Variants in UNC79 observed in about 807,000 individuals in gnomAD.
UNC79 encodes the protein protein unc-79 homolog.
Under a neutral mutation model 283.1 loss-of-function variants are expected in UNC79, and 37 were observed. That is an observed-to-expected ratio of 0.13 (90% CI 0.10 to 0.17). The LOEUF (loss-of-function observed/expected upper bound fraction) is 0.17. UNC79 is among the 10% of genes least tolerant of loss of function. The probability of loss-of-function intolerance (pLI) is 1.00; values close to 1 mark genes in which losing one functional copy is unlikely to be tolerated. For missense variants in UNC79, 2,272 were observed against 3,211.1 expected, an observed-to-expected ratio of 0.71 and a Z score of 7.07; for synonymous variants, 1,107 against 1,200.2, an observed-to-expected ratio of 0.92 and a Z score of 1.61.
At chr14:93,381,035 TAGAGG>T (rs755617272) in intron 1 of UNC79, among the ~76,000 whole-genome samples, 64 of 152,332 alleles carry the variant, frequency 4.2e-4, no homozygotes, top group Non-Finnish European at 6.8e-4. Context: ...TTATTCTTAG[TAGAGG>T]AAATACATTA....
intron 46 of UNC79, among the ~76,000 whole-genome samples, 166 bp downstream of exon 49, chr14:93,692,112 G>A (rs1367841262): frequency 1.3e-5 from 2 of 152,088 alleles, no homozygotes; most frequent in South Asian, 2.1e-4. Flanking sequence ...TAAGCATTTT[G>A]ATTAAAAATA....
chr14:93,646,577 T>C, intron 34 of UNC79, 31 bp from the exon 38 acceptor site: 1 of 1,609,026 alleles, frequency 6.2e-7, no homozygotes, highest in South Asian at 1.1e-5. Flanking sequence ...ACCTAAGATA[T>C]TTGTGTGACT....
intron 8 of UNC79, 55 bp from the exon 9 acceptor site, chr14:93,528,503 G>A: frequency 6.6e-7 from 1 of 1,510,250 alleles, no homozygotes. Flanking sequence ...TTAGAATATA[G>A]GGAATGTGAT....
chr14:93,530,475 G>A (rs1031340471), intron 10 of UNC79, among the ~76,000 whole-genome samples: 2 of 152,096 alleles, frequency 1.3e-5, no homozygotes, highest in Non-Finnish European at 2.9e-5. Flanking sequence ...AGCCAGGCAT[G>A]GTGGCACGTG....
chr14:93,534,716 G>T (rs563367961), intron 11 of UNC79, among the ~76,000 whole-genome samples: 1 of 152,234 alleles, frequency 6.6e-6, no homozygotes, highest in East Asian at 1.9e-4. Context: ...GTGGGACCAG[G>T]ATTTCAAACA....
At chr14:93,466,871 A>G (rs959709574) in intron 1 of UNC79, 1 of 985,330 alleles carries the variant, frequency 1.0e-6, no homozygotes, top group African/African-American at 1.7e-5. Context: ...AGGTCAGGTC[A>G]GGAATGTGGA....
chr14:93,664,635 A>G (rs2071969299), intron 40 of UNC79, among the ~76,000 whole-genome samples: 1 of 152,208 alleles, frequency 6.6e-6, no homozygotes, highest in South Asian at 2.1e-4. Flanking sequence ...AAAGAATGGT[A>G]TCTGTCTCAG....
At chr14:93,530,438 A>G (rs1209867241) in intron 10 of UNC79, among the ~76,000 whole-genome samples, 1 of 151,616 alleles carries the variant, frequency 6.6e-6, no homozygotes, top group Admixed American at 6.6e-5. Context: ...CAAAAAATTT[A>G]GGAGGGCAGG....
intron 1 of UNC79, chr14:93,397,176 C>T (rs1440426383): frequency 1.3e-5 from 2 of 152,086 alleles, no homozygotes; most frequent in East Asian, 1.9e-4. Flanking sequence ...TGGTTATATA[C>T]CAACTTTAGT....
At chr14:93,511,946 A>G (rs1166772117) in intron 7 of UNC79, among the ~76,000 whole-genome samples, 1 of 151,934 alleles carries the variant, frequency 6.6e-6, no homozygotes, top group Non-Finnish European at 1.5e-5. Flanking sequence ...TATTTCCAAC[A>G]TTAATTTTTT....
chr14:93,423,865 G>C (rs773849741), intron 1 of UNC79, among the ~76,000 whole-genome samples: 3 of 152,114 alleles, frequency 2.0e-5, no homozygotes, highest in Non-Finnish European at 4.4e-5. Context: ...GGACAAATGG[G>C]ATCACATCAA....
At chr14:93,631,349 A>G (rs1340507317) in intron 31 of UNC79, among the ~76,000 whole-genome samples, 1 of 152,220 alleles carries the variant, frequency 6.6e-6, no homozygotes, top group African/African-American at 2.4e-5. Context: ...TGTATGATAT[A>G]TCATATTCCC....
intron 1 of UNC79, among the ~76,000 whole-genome samples, chr14:93,338,482 G>C (rs1223377316): frequency 6.6e-6 from 1 of 152,062 alleles, no homozygotes; most frequent in Non-Finnish European, 1.5e-5. Flanking sequence ...CATACACAGT[G>C]GGGGAAAAAG....
At chr14:93,388,629 A>G (rs989104450) in intron 1 of UNC79, among the ~76,000 whole-genome samples, 2 of 152,206 alleles carry the variant, frequency 1.3e-5, no homozygotes, top group African/African-American at 4.8e-5. Flanking sequence ...TTCATCAATA[A>G]TGAATAGCAT....
intron 5 of UNC79, among the ~76,000 whole-genome samples, chr14:93,490,972 G>A (rs934999104): frequency 3.3e-5 from 5 of 152,144 alleles, no homozygotes; most frequent in Admixed American, 6.5e-5. Context: ...TCTATAAACT[G>A]GATGACTTAT....
At chr14:93,338,737 T>C (rs1203913899) in intron 1 of UNC79, among the ~76,000 whole-genome samples, 1 of 151,996 alleles carries the variant, frequency 6.6e-6, no homozygotes, top group Non-Finnish European at 1.5e-5. Flanking sequence ...CAAAACTCTG[T>C]CTCTATGAAA....
chr14:93,565,647 A>G (rs894050608), intron 14 of UNC79, among the ~76,000 whole-genome samples: 1 of 145,574 alleles, frequency 6.9e-6, no homozygotes, highest in East Asian at 1.9e-4. Flanking sequence ...AGTTCTTCTC[A>G]GGCCGTATTT....
At chr14:93,572,726 T>G (rs937944730) in exon 16 of UNC79, 9 of 1,614,156 alleles carry the variant, frequency 5.6e-6, no homozygotes, top group Non-Finnish European at 6.8e-6. Flanking sequence ...GTCCTCTGCC[T>G]TTCTCAATGG....
intron 14 of UNC79, among the ~76,000 whole-genome samples, chr14:93,564,762 C>T (rs887850022): frequency 2.5e-4 from 34 of 135,542 alleles, no homozygotes; most frequent in Non-Finnish European, 5.0e-4. Context: ...CTCTGGCTGG[C>T]AGGGGTGGGG....
Sources: allele counts gnomAD v4.1 joint callset (sites outside exome capture counted in the v4.1 genomes callset), GRCh38; gene constraint gnomAD v4.1.1; transcripts MANE v1.5; gene names NCBI Gene and HGNC (gene_info 2026-07-23, HGNC 2026-07-21).